The following HERC5 variants were observed in gnomAD, a reference collection of about 807,000 sequenced individuals.
HERC5 encodes HECT and RLD domain containing E3 ubiquitin protein ligase 5, also known as E3 ISG15--protein ligase HERC5.
In HERC5, 99 loss-of-function variants were observed where a neutral mutation model predicts 119.6. The observed-to-expected ratio is 0.83, with a 90% CI of 0.70 to 0.98. HERC5 has a LOEUF of 0.98. Among genes scored for constraint, HERC5 ranks in the 50% least tolerant of loss-of-function variants. The pLI is 0.00. For synonymous variants in HERC5, 478 were observed against 445.9 expected, an observed-to-expected ratio of 1.07 and a Z score of -0.91; for missense variants, 1,267 against 1,241.3, an observed-to-expected ratio of 1.02 and a Z score of -0.31.
At chr4:88,483,960 C>G (rs921761245) in intron 13 of HERC5, among the ~76,000 whole-genome samples, 1 of 152,044 alleles carries the variant, frequency 6.6e-6, no homozygotes, top group African/African-American at 2.4e-5. Flanking sequence ...ACATGTTAGA[C>G]TTTTTCAGTC....
chr4:88,479,951 C>T (rs1053584600), intron 13 of HERC5, among the ~76,000 whole-genome samples: 1 of 151,820 alleles, frequency 6.6e-6, no homozygotes, highest in Non-Finnish European at 1.5e-5. Context: ...CCTGTAGTCC[C>T]AGCTACTCGG....
intron 16 of HERC5, 56 bp downstream of exon 16, chr4:88,489,392 G>T: frequency 6.8e-7 from 1 of 1,474,500 alleles, no homozygotes; most frequent in South Asian, 1.3e-5. Flanking sequence ...AAACATAAAA[G>T]AATGTGGCAA....
Position 88,470,687 on chromosome 4 carries a change from T to A in HERC5, c.1298+14T>A. On this transcript the variant is annotated intron_variant, in intron 10 of 22. Transcript: ENST00000264350. ...TTTAAGGAAAAGGTAATATATGTAA[T>A]AAATTAATTGTATTAAATTGTATTA... The A allele has an allele frequency of 8.5e-7, 1 of 1,173,740 alleles. No homozygotes were observed. The highest frequency in any genetic ancestry group is 1.3e-6 in the Non-Finnish European group (1 of 792,240). 72.7% of individuals were successfully genotyped at this position (1,173,740 alleles called of 1,614,324 possible). A position where few individuals can be genotyped will look rare whatever the true frequency, so the allele number is the denominator to read the frequency against.
chr4:88,475,970 C>T lies in HERC5; in HGVS notation c.1522C>T (p.Leu508Phe), dbSNP rs1019807694. Reference protein sequence around the residue: ...MMHISNNWESLVVPFAKVVCK... With the variant: ...MMHISNNWESFVVPFAKVVCK... ...GCATATTTCCAACAACTGGGAGAGCCTTGTGGTTCCATTTGCAAAGGTTGT... is the reference window on the plus strand; with the variant it reads ...GCATATTTCCAACAACTGGGAGAGCTTTGTGGTTCCATTTGCAAAGGTTGT... Residue 508 changes from leucine to phenylalanine, a missense_variant, in exon 12 of 23, where the codon CTT becomes TTT. This residue lies in a region of HERC5 where 777 missense variants were observed against 758.0 expected (regional missense o/e 1.03). Transcript: ENST00000264350. 4 of 1,613,998 alleles carry T rather than the reference C, an allele frequency of 2.5e-6. No individual in the cohort carries two copies. The highest frequency in any genetic ancestry group is 3.4e-6 in the Non-Finnish European group (4 of 1,179,984).
chr4:88,457,947 C>T, intron 1 of HERC5: 1 of 999,984 alleles, frequency 1.0e-6, no homozygotes, highest in Non-Finnish European at 1.2e-6. Context: ...TGGGATTTTA[C>T]CTTGGCCTTC....
Position 88,504,572 on chromosome 4 carries a change from T to TCTGTAAG in HERC5, c.2847_2848insTAAGCTG (p.Glu950Ter). On this transcript the variant is annotated stop_gained and frameshift_variant, in exon 22 of 23. Transcript: ENST00000264350. LOFTEE classifies it low-confidence loss of function (END_TRUNC). ...TTTGGAAGGCTTTCCACAAATTGACTCTGGAAGAAAAGAAAAAATTCCTTG... is the reference window on the plus strand; with the variant it reads ...TTTGGAAGGCTTTCCACAAATTGACTCTGTAAGCTGGAAGAAAAGAAAAAATTCCTTG... 1 of 1,570,184 alleles carries TCTGTAAG rather than the reference T, an allele frequency of 6.4e-7. No individual in the cohort carries two copies. Among genetic ancestry groups the TCTGTAAG allele is most frequent in the Admixed American group, 2.0e-5 (1 of 49,918 alleles).
intron 10 of HERC5, among the ~76,000 whole-genome samples, chr4:88,471,476 G>A (rs757685865): frequency 2.6e-5 from 4 of 151,820 alleles, no homozygotes; most frequent in Non-Finnish European, 5.9e-5. Context: ...ACGTAGCTGG[G>A]ACTACAGGCA....
At chr4:88,474,559 T>C (rs2149094467) in intron 11 of HERC5, among the ~76,000 whole-genome samples, 1 of 152,332 alleles carries the variant, frequency 6.6e-6, no homozygotes, top group East Asian at 1.9e-4. Flanking sequence ...AGACCGAATC[T>C]CATCGTAGGA....
At chr4:88,465,520 G>A (rs1253541568) in intron 6 of HERC5, among the ~76,000 whole-genome samples, 2 of 152,180 alleles carry the variant, frequency 1.3e-5, no homozygotes, top group East Asian at 3.8e-4. Context: ...CGGAATATGA[G>A]TCTCTTCACC....
chr4:88,493,839 C>G (rs1038148145), intron 17 of HERC5, among the ~76,000 whole-genome samples: 11 of 151,884 alleles, frequency 7.2e-5, no homozygotes, highest in African/African-American at 2.7e-4. Context: ...GTCTCAAACT[C>G]CTGACCTCAG....
intron 22 of HERC5, 69 bp from the exon 23 acceptor site, chr4:88,505,603 AT>A: frequency 2.2e-6 from 2 of 892,182 alleles, no homozygotes; most frequent in Non-Finnish European, 1.7e-6. Context: ...GAATAAATAG[AT>A]TTTTTTCTCT....
intron 9 of HERC5, among the ~76,000 whole-genome samples, chr4:88,470,249 ATTTAT>A (rs1040960441): frequency 3.9e-5 from 6 of 152,212 alleles, no homozygotes; most frequent in Non-Finnish European, 4.4e-5. Context: ...ATTTCTGGTA[ATTTAT>A]TTCTACTTCA....
chr4:88,505,645 G>A, intron 22 of HERC5, 28 bp from the exon 23 acceptor site: 1 of 1,351,412 alleles, frequency 7.4e-7, no homozygotes. Flanking sequence ...ATGTAAAACA[G>A]ATTGCCTAAT....
At position 88,457,449 on chromosome 4, in the gene HERC5, G is replaced by C; in HGVS notation, c.180G>C (p.Pro60=). Reference sequence around the variant, plus strand: ...TGACGCGCCAACTCTGCTGCTCGCCGGGGCGCCTCGCGGTCTTGGAACGCG... The same window carrying C: ...TGACGCGCCAACTCTGCTGCTCGCCCGGGCGCCTCGCGGTCTTGGAACGCG... ...VEVTRQLCCS[P]GRLAVLERGG... is the part of the protein sequence containing the mutation. Residue 60 remains proline (P), a synonymous_variant, in exon 1 of 23, where the codon CCG becomes CCC. Transcript: ENST00000264350. The C allele has an allele frequency of 7.4e-7, 1 of 1,348,764 alleles. No homozygotes were observed. The highest frequency in any genetic ancestry group is 2.9e-5 in the East Asian group (1 of 34,884). The allele number at this position is 1,348,764 out of a possible 1,614,324, so 83.5% of individuals were successfully genotyped here. A position where few individuals can be genotyped will look rare whatever the true frequency, so the allele number is the denominator to read the frequency against.
At chr4:88,499,327 G>A (rs1161437078) in intron 18 of HERC5, among the ~76,000 whole-genome samples, 1 of 152,226 alleles carries the variant, frequency 6.6e-6, no homozygotes, top group Non-Finnish European at 1.5e-5. Flanking sequence ...ACAATGAGAT[G>A]TGTTATTTCA....
intron 16 of HERC5, 63 bp from the exon 17 acceptor site, chr4:88,492,949 G>GAATATATAT: frequency 6.7e-7 from 1 of 1,494,296 alleles, no homozygotes; most frequent in Admixed American, 1.9e-5. Flanking sequence ...ATTATTAAAT[G>GAATATATAT]AGACTTCATA....
chr4:88,468,334 G>A lies in HERC5; in HGVS notation c.1058-12G>A, dbSNP rs1740745867. On this transcript the variant is annotated splice_polypyrimidine_tract_variant and intron_variant, in intron 7 of 22. Coordinates refer to ENST00000264350, the MANE Select transcript of HERC5 (RefSeq NM_016323.4). Reference sequence around the variant, plus strand: ...ACTTTCTAAAACTCTTACTCTTTGTGCATCCTTTCAGAAAGCCATACCTCA... The same window carrying A: ...ACTTTCTAAAACTCTTACTCTTTGTACATCCTTTCAGAAAGCCATACCTCA... The A allele has an allele frequency of 1.3e-6, 2 of 1,590,384 alleles. No individual in the cohort carries two copies. The highest frequency in any genetic ancestry group is 1.7e-6 in the Non-Finnish European group (2 of 1,163,540).
At chr4:88,467,279 G>T in intron 7 of HERC5, 75 bp downstream of exon 7, 1 of 1,428,390 alleles carries the variant, frequency 7.0e-7, no homozygotes, top group Non-Finnish European at 9.7e-7. Context: ...AGGTAATGTG[G>T]CAAAGAAAGC....
chr4:88,472,175 A>T (rs978331458), intron 10 of HERC5, among the ~76,000 whole-genome samples: 6 of 152,076 alleles, frequency 3.9e-5, no homozygotes, highest in African/African-American at 1.4e-4. Context: ...TCTATTACAG[A>T]TAAGACAGCA....
Sources: gnomAD v4.1 joint callset for allele counts (sites outside exome capture counted in the v4.1 genomes callset) on GRCh38, gnomAD v4.1.1 for gene constraint, gnomAD v4.1.1 regional missense constraint, MANE v1.5 for transcripts, NCBI Gene and HGNC (gene_info 2026-07-23, HGNC 2026-07-21) for gene names.